FLI1: variants seen among roughly 807,000 people sequenced by gnomAD.
FLI1 encodes the protein Fli-1 proto-oncogene, ETS transcription factor.
FLI1 carries 13 observed loss-of-function variants against 53.1 expected under a neutral mutation model. That is an observed-to-expected ratio of 0.24 (90% CI 0.16 to 0.39). The LOEUF is 0.39. Among genes scored for constraint, FLI1 ranks in the 10% least tolerant of loss-of-function variants. The pLI is 1.00. For missense variants in FLI1, 424 were observed against 600.5 expected (o/e 0.71, Z 3.07); for synonymous variants, 244 against 236.7 (o/e 1.03, Z -0.28).
intron 1 of FLI1, among the ~76,000 whole-genome samples, chr11:128,746,320 G>T (rs150193605): frequency 5.9e-5 from 9 of 152,294 alleles, no homozygotes; most frequent in Non-Finnish European, 1.3e-4. Context: ...GAATAGGAAA[G>T]TTCCCATGAC....
At chr11:128,757,044 T>TTTTCTTTCTTTCTTTCTTTCTTTCTTTC (rs147249846) in intron 1 of FLI1, among the ~76,000 whole-genome samples, 14 of 107,114 alleles carry the variant, frequency 1.3e-4, no homozygotes, top group Admixed American at 2.1e-4. Flanking sequence ...CTAGCTAATT[T>TTTTCTTTCTTTCTTTCTTTCTTTCTTTC]TTTCTTTCTT....
At chr11:128,770,641 G>A (rs1203477809) in intron 3 of FLI1, among the ~76,000 whole-genome samples, 2 of 152,162 alleles carry the variant, frequency 1.3e-5, no homozygotes, top group South Asian at 2.1e-4. Context: ...CAAAGCAAGG[G>A]AGGAAATAAT....
At chr11:128,800,668 G>A (rs1016804664) in intron 5 of FLI1, among the ~76,000 whole-genome samples, 4 of 152,188 alleles carry the variant, frequency 2.6e-5, no homozygotes, top group South Asian at 2.1e-4. Flanking sequence ...TACCTCAGGA[G>A]GCTCTCCTGG....
At chr11:128,789,823 T>C (rs1459274371) in intron 5 of FLI1, among the ~76,000 whole-genome samples, 1 of 152,220 alleles carries the variant, frequency 6.6e-6, no homozygotes, top group East Asian at 1.9e-4. Context: ...CCTGTAATAC[T>C]GTGAGGTAAT....
intron 3 of FLI1, among the ~76,000 whole-genome samples, chr11:128,772,183 C>T (rs775278859): frequency 4.6e-5 from 7 of 152,134 alleles, no homozygotes; most frequent in Admixed American, 2.0e-4. Context: ...TTCTCCCCAA[C>T]GTCATCTCTC....
chr11:128,781,911 C>T, intron 4 of FLI1, 47 bp from the exon 5 acceptor site: 1 of 1,473,408 alleles, frequency 6.8e-7, no homozygotes, highest in Non-Finnish European at 9.5e-7. Context: ...TACTCTTGAT[C>T]TCAGAAGAAC....
intron 3 of FLI1, among the ~76,000 whole-genome samples, chr11:128,769,237 G>T (rs1941466594): frequency 6.6e-6 from 1 of 152,060 alleles, no homozygotes; most frequent in Non-Finnish European, 1.5e-5. Context: ...GCACAAGAAG[G>T]GTGTTTACAA....
At chr11:128,768,973 C>T (rs1288795211) in intron 3 of FLI1, among the ~76,000 whole-genome samples, 5 of 152,244 alleles carry the variant, frequency 3.3e-5, no homozygotes, top group Non-Finnish European at 7.3e-5. Flanking sequence ...CCTCCAGGCT[C>T]GTACTTCCCG....
rs897648507 is a variant in FLI1, at chr11:128,774,784, C to A, written c.589+1799C>A. On this transcript the variant is annotated intron_variant, in intron 4 of 8. Coordinates refer to ENST00000527786, the MANE Select transcript of FLI1 (RefSeq NM_002017.5). ...ATGCCATATGACCCCGGGGCCCTAA[C>A]CAGTCCATAAACAGCCCAAGGTCCC... is the stretch of plus-strand genomic sequence containing the variant. 2.0e-5 allele frequency among the ~76,000 whole-genome samples: 3 copies of A among 152,174 alleles called. No homozygotes were observed. The East Asian group carries it at 5.8e-4, about 29-fold the overall frequency.
At chr11:128,723,541 T>G (rs1483996235) in intron 1 of FLI1, among the ~76,000 whole-genome samples, 1 of 152,142 alleles carries the variant, frequency 6.6e-6, no homozygotes, top group Non-Finnish European at 1.5e-5. Context: ...CTGCCATATA[T>G]GTGCTGAGCC....
chr11:128,780,225 C>T (rs1368878296), intron 4 of FLI1, among the ~76,000 whole-genome samples: 1 of 152,238 alleles, frequency 6.6e-6, no homozygotes, highest in Non-Finnish European at 1.5e-5. Flanking sequence ...ATACAGCGGG[C>T]TCAATACCAC....
Position 128,694,157 on chromosome 11 carries a change from G to A in FLI1, c.-102G>A. 7.5e-7 allele frequency: 1 copy of A among 1,336,044 alleles called. No individual in the cohort carries two copies. Among genetic ancestry groups the A allele is most frequent in the Non-Finnish European group, 1.0e-6 (1 of 1,000,362 alleles). The allele number at this position is 1,336,044 out of a possible 1,614,324, so 82.8% of individuals were successfully genotyped here. A position where few individuals can be genotyped will look rare whatever the true frequency, so the allele number is the denominator to read the frequency against. ...GGGGCACGCAGGGAGGGCCCAGGGC[G>A]CCAGGGAGGCCGCGCCGGGCTAATC... On this transcript the variant is annotated 5_prime_UTR_variant, in exon 1 of 9. Transcript: ENST00000527786.
rs952575258 is a variant in FLI1 at position 128,709,085 on chromosome 11, A to G, written c.18+14809A>G. On this transcript the variant is annotated intron_variant, in intron 1 of 8. Transcript: ENST00000527786. ...CATGCAGTCTGAAGTTTGGAAATCT[A>G]GGTTCAGACCCACTTATTAATTGTG... is the stretch of plus-strand genomic sequence containing the variant. Among the ~76,000 whole-genome samples the G allele has an allele frequency of 5.9e-5, 9 of 152,358 alleles. No individual in the cohort carries two copies. The East Asian group carries it at 1.7e-3, about 29-fold the overall frequency.
At chr11:128,800,751 C>A (rs1484547232) in intron 5 of FLI1, among the ~76,000 whole-genome samples, 3 of 152,176 alleles carry the variant, frequency 2.0e-5, no homozygotes, top group Admixed American at 2.0e-4. Flanking sequence ...TTAAGGACAT[C>A]ATATATGTGA....
At chr11:128,804,179 A>G (rs887390364) in intron 5 of FLI1, 1 of 152,236 alleles carries the variant, frequency 6.6e-6, no homozygotes. Flanking sequence ...CCAGGCAATC[A>G]GAGTCCATCC....
chr11:128,723,755 G>A (rs1939352658), intron 1 of FLI1, among the ~76,000 whole-genome samples: 2 of 152,074 alleles, frequency 1.3e-5, no homozygotes, highest in Non-Finnish European at 2.9e-5. Flanking sequence ...TGTCTTTGAT[G>A]AATTTAAGAT....
intron 6 of FLI1, 77 bp downstream of exon 6, chr11:128,805,508 C>T (rs1942758209): frequency 4.6e-6 from 4 of 872,148 alleles, no homozygotes; most frequent in African/African-American, 3.4e-5. Flanking sequence ...TCATGAGACA[C>T]AGGAGAGCAG....
chr11:128,706,149 A>G (rs757879174), intron 1 of FLI1, among the ~76,000 whole-genome samples: 2 of 152,210 alleles, frequency 1.3e-5, no homozygotes, highest in Non-Finnish European at 2.9e-5. Flanking sequence ...ACAGGTGTGC[A>G]AGGAAACCCT....
At chr11:128,726,865 G>A (rs906699425) in intron 1 of FLI1, among the ~76,000 whole-genome samples, 9 of 152,170 alleles carry the variant, frequency 5.9e-5, no homozygotes, top group African/African-American at 1.7e-4. Flanking sequence ...AAACGGAATG[G>A]GGTTAATGAC....
Sources: allele counts gnomAD v4.1 joint callset (sites outside exome capture counted in the v4.1 genomes callset), GRCh38; gene constraint gnomAD v4.1.1; transcripts MANE v1.5; gene names NCBI Gene and HGNC (gene_info 2026-07-23, HGNC 2026-07-21).